MICAL3: variants seen among roughly 807,000 people sequenced by gnomAD.
MICAL3 encodes the protein microtubule associated monooxygenase, calponin and LIM domain containing 3.
A neutral mutation model predicts 207.4 loss-of-function variants in MICAL3; 62 were observed. That is an observed-to-expected ratio of 0.30 (90% confidence interval 0.24 to 0.37). The LOEUF is 0.37. MICAL3 is among the 10% of genes least tolerant of loss of function. The pLI is 1.00. For missense variants in MICAL3, 2,368 were observed against 2,635.6 expected (o/e 0.90, Z 2.22); for synonymous variants, 1,077 against 1,069.3 (o/e 1.01, Z -0.14).
intron 1 of MICAL3, among the ~76,000 whole-genome samples, chr22:17,995,942 T>C (rs1392239909): frequency 6.6e-6 from 1 of 150,664 alleles, no homozygotes; most frequent in African/African-American, 2.5e-5. Context: ...AGGCAAATTG[T>C]TCGAGCCCAG....
chr22:17,926,261 C>A (rs376515522), intron 1 of MICAL3, among the ~76,000 whole-genome samples: 1 of 152,204 alleles, frequency 6.6e-6, no homozygotes, highest in African/African-American at 2.4e-5. Flanking sequence ...CATTCCAGGA[C>A]GTCTGTGCCC....
At chr22:18,018,336 G>C (rs986177167) in intron 1 of MICAL3, among the ~76,000 whole-genome samples, 3 of 152,088 alleles carry the variant, frequency 2.0e-5, no homozygotes, top group Non-Finnish European at 4.4e-5. Flanking sequence ...ATTTCTGTCG[G>C]TATTTGCTCA....
In MICAL3 at chr22:17,796,404, C is replaced by T. The variant is rs1312621637; in HGVS notation, c.5651-5103G>A. 6.6e-6 allele frequency among the ~76,000 whole-genome samples: 1 copy of T among 152,260 alleles called. No individual in the cohort carries two copies. The highest frequency in any genetic ancestry group is 2.4e-5 in the African/African-American group (1 of 41,468). On this transcript the variant is annotated intron_variant, in intron 29 of 31. Transcript: ENST00000441493. This position sits in a 1 kb window ranked among gnomAD's most constrained non-coding sequence, Gnocchi z 4.4. ...ATGAGATGGGCACGGATGGCACTCT[C>T]CGGCTTCAGGGCGCCCTCGCATGCA...
rs1223954326 is a variant in MICAL3, at chr22:17,788,228, GAGC to G, written c.*2501_*2503del. The G allele has an allele frequency of 1.3e-5, 2 of 152,282 alleles. No individual in the cohort carries two copies. The highest frequency in any genetic ancestry group is 2.4e-5 in the African/African-American group (1 of 41,474). The allele number at this position is 152,282 out of a possible 1,614,324, so 9.4% of individuals were successfully genotyped here. On this transcript the variant is annotated 3_prime_UTR_variant, in exon 32 of 32. Transcript: ENST00000441493. ...TAGAACTGGGTGTCCTCACAGTCGG[GAGC>G]AGAAGGCTGGGGCGCAGGCCTGCGG...
chr22:18,023,454 A>C (rs140204429), intron 1 of MICAL3, among the ~76,000 whole-genome samples: 3 of 152,092 alleles, frequency 2.0e-5, no homozygotes, highest in Admixed American at 6.5e-5. Flanking sequence ...TGAAAATTCT[A>C]AATAGTTGAT....
intron 29 of MICAL3, among the ~76,000 whole-genome samples, chr22:17,808,589 C>T (rs2062011691): frequency 6.6e-6 from 1 of 152,192 alleles, no homozygotes; most frequent in African/African-American, 2.4e-5. Context: ...TCGCCATCAG[C>T]ATGCCGGGGA....
In MICAL3 at chr22:17,904,687, A is replaced by G. The variant is rs773259694; in HGVS notation, c.417T>C (p.Gly139=). ...LWPFTIHDLR[G]LGAKKFYGKF... ...TGCCATAGAACTTCTTGGCACCCAG[A>G]CCTCGTAGATCATGTATGGTGAATG... The change falls in exon 3 of 32, where the codon GGT becomes GGC. Residue 139 remains glycine (G), a synonymous_variant. Coordinates refer to ENST00000441493, the MANE Select transcript of MICAL3 (RefSeq NM_015241.3). 1 of 1,614,056 alleles carries G rather than the reference A, an allele frequency of 6.2e-7. No individual in the cohort carries two copies.
intron 16 of MICAL3, among the ~76,000 whole-genome samples, chr22:17,878,553 A>T (rs1055267317): frequency 1.3e-5 from 2 of 152,184 alleles, no homozygotes; most frequent in Admixed American, 6.5e-5. Flanking sequence ...CCATAACTGC[A>T]TTTCTCAGAG....
intron 29 of MICAL3, among the ~76,000 whole-genome samples, chr22:17,799,888 G>C (rs1206898180): frequency 6.7e-6 from 1 of 149,216 alleles, no homozygotes; most frequent in Non-Finnish European, 1.5e-5. Flanking sequence ...ATGCATGTAA[G>C]AATTACAATC....
intron 1 of MICAL3, among the ~76,000 whole-genome samples, chr22:17,988,600 G>T (rs569998583): frequency 6.6e-6 from 1 of 151,960 alleles, no homozygotes; most frequent in Non-Finnish European, 1.5e-5. Flanking sequence ...GACTACAGGC[G>T]CCTGCAACCG....
chr22:17,895,203 G>C, intron 10 of MICAL3, 81 bp downstream of exon 10: 1 of 1,399,716 alleles, frequency 7.1e-7, no homozygotes, highest in Non-Finnish European at 1.0e-6. Flanking sequence ...GGTATTAATA[G>C]GTGCACGCAT....
intron 19 of MICAL3, among the ~76,000 whole-genome samples, chr22:17,850,199 A>T (rs1051436370): frequency 6.6e-6 from 1 of 152,028 alleles, no homozygotes; most frequent in African/African-American, 2.4e-5. Context: ...GAAAAAACCC[A>T]ATAGGGAACA....
chr22:17,856,769 C>T (rs1925953610), intron 19 of MICAL3, among the ~76,000 whole-genome samples: 1 of 151,896 alleles, frequency 6.6e-6, no homozygotes, highest in East Asian at 1.9e-4. Context: ...CTACAGGCGC[C>T]CGCCACCGCG....
chr22:17,842,030 C>G lies in MICAL3; in HGVS notation c.2606-13G>C, dbSNP rs2146074700. 6.3e-7 allele frequency: 1 copy of G among 1,594,226 alleles called. No homozygotes were observed. Among genetic ancestry groups the G allele is most frequent in the Admixed American group, 1.7e-5 (1 of 59,792 alleles). On this transcript the variant is annotated splice_polypyrimidine_tract_variant and intron_variant, in intron 19 of 31. Transcript: ENST00000441493. ...TTCACGCCTGAACCTGCGGGACAAG[C>G]ACAGAAGCACTGCACTGAGGTCCAA...
chr22:17,824,952 C>T (rs1922018796), intron 22 of MICAL3, among the ~76,000 whole-genome samples: 1 of 152,230 alleles, frequency 6.6e-6, no homozygotes, highest in African/African-American at 2.4e-5. Flanking sequence ...GAATCTGGCC[C>T]ATCCCATGGA....
chr22:17,983,331 C>T (rs1936012849), intron 1 of MICAL3: 1 of 152,430 alleles, frequency 6.6e-6, no homozygotes, highest in Non-Finnish European at 1.5e-5. Context: ...CCTTCCCACT[C>T]TTTTAACAAC....
At chr22:17,860,006 C>T (rs1805485243) in intron 19 of MICAL3, 1 of 176,710 alleles carries the variant, frequency 5.7e-6, no homozygotes, top group Admixed American at 6.5e-5. Flanking sequence ...ACCTATTTCC[C>T]CCACTTTGCA....
chr22:17,815,079 C>T (rs1272947215), intron 27 of MICAL3: 6 of 152,268 alleles, frequency 3.9e-5, no homozygotes, highest in Non-Finnish European at 5.9e-5. Context: ...TTTAGTATTC[C>T]GTATGTGACG....
chr22:17,899,537 C>T lies in MICAL3; in HGVS notation c.859G>A (p.Glu287Lys). Residue 287 changes from glutamate (E) to lysine (K), a missense_variant, in exon 7 of 32, where the codon GAG becomes AAG. By Grantham distance (56) the Glu-to-Lys change is moderately conservative (BLOSUM62 1). Transcript: ENST00000441493. Reference sequence around the variant, plus strand: ...TCATCTTTGTAGTAAACGATGTTCTCCAAGTCAATACCTGGGGCCAGAAGA... The same window carrying T: ...TCATCTTTGTAGTAAACGATGTTCTTCAAGTCAATACCTGGGGCCAGAAGA... Reference protein sequence around the residue: ...ELREATGIDLENIVYYKDDTH... With the variant: ...ELREATGIDLKNIVYYKDDTH... 6.3e-7 allele frequency: 1 copy of T among 1,599,928 alleles called. No individual in the cohort carries two copies.
Sources: allele counts gnomAD v4.1 joint callset (sites outside exome capture counted in the v4.1 genomes callset), GRCh38; gene constraint gnomAD v4.1.1; non-coding constraint Gnocchi (gnomAD v3.1); transcripts MANE v1.5; gene names NCBI Gene and HGNC (gene_info 2026-07-23, HGNC 2026-07-21).